Variants in HDGFL3 observed in about 807,000 individuals in gnomAD.
HDGFL3 encodes HDGF like 3, also known as hepatoma-derived growth factor-related protein 3.
HDGFL3 carries 6 observed loss-of-function variants against 27.6 expected under a neutral mutation model. That is an observed-to-expected ratio of 0.22 (90% CI 0.12 to 0.43). HDGFL3 has a LOEUF of 0.43. Ranked by LOEUF, HDGFL3 falls within the 20% of genes least tolerant of loss-of-function variation. HDGFL3 has a pLI of 1.00. For synonymous variants in HDGFL3, 88 were observed against 88.9 expected (o/e 0.99, Z 0.05); for missense variants, 207 against 250.1 (o/e 0.83, Z 1.16).
chr15:83,161,149 C>T (rs2037096939), intron 2 of HDGFL3, among the ~76,000 whole-genome samples: 1 of 152,176 alleles, frequency 6.6e-6, no homozygotes, highest in Admixed American at 6.5e-5. Context: ...TAAGAAATAA[C>T]TGTGGGCTAA....
Position 83,157,904 on chromosome 15 carries a change from T to C in HDGFL3, c.299A>G (p.Gln100Arg). ...NNPGVKFTGYQAIQQQSSSET... is the reference protein window; with the variant it reads ...NNPGVKFTGYRAIQQQSSSET... ...AGTGACAAGGAAGTAAACCATTACCTGGTAGCCAGTAAACTTTACTCCTGG... is the reference window on the plus strand; with the variant it reads ...AGTGACAAGGAAGTAAACCATTACCCGGTAGCCAGTAAACTTTACTCCTGG... The change falls in exon 3 of 6, where the codon CAG (glutamine) becomes CGG (arginine). Residue 100 changes from glutamine to arginine, a missense_variant and splice_region_variant. Gln to Arg is a conservative substitution (Grantham distance 43). Coordinates refer to ENST00000299633, the MANE Select transcript of HDGFL3 (RefSeq NM_016073.4). 1.2e-6 allele frequency: 2 copies of C among 1,610,850 alleles called. No individual in the cohort carries two copies. Among genetic ancestry groups the C allele is most frequent in the Non-Finnish European group, 1.7e-6 (2 of 1,178,810 alleles).
Position 83,139,173 on chromosome 15 carries a change from G to A in HDGFL3, c.*97C>T. ...CTGGGGTTCTGTCAATGACAACAAG[G>A]ACTATGTGTTGGTTCATATCAAATC... On this transcript the variant is annotated 3_prime_UTR_variant, in exon 6 of 6. Coordinates refer to ENST00000299633, the MANE Select transcript of HDGFL3 (RefSeq NM_016073.4). 1 of 714,250 alleles carries A rather than the reference G, an allele frequency of 1.4e-6. No individual in the cohort carries two copies. Among genetic ancestry groups the A allele is most frequent in the East Asian group, 3.0e-5 (1 of 33,384 alleles). 44.2% of individuals were successfully genotyped at this position (714,250 alleles called of 1,614,324 possible). A position where few individuals can be genotyped will look rare whatever the true frequency, so the allele number is the denominator to read the frequency against.
intron 5 of HDGFL3, among the ~76,000 whole-genome samples, chr15:83,141,896 G>A (rs545081049): frequency 1.4e-4 from 22 of 152,276 alleles, no homozygotes; most frequent in African/African-American, 3.6e-4. Flanking sequence ...TATTCAGAGC[G>A]CTAGACAAAC....
rs1256615694 is a variant in HDGFL3, at chr15:83,133,474, A to G, written c.*5796T>C. The G allele has an allele frequency of 6.6e-6, 1 of 152,224 alleles. No homozygotes were observed. The highest frequency in any genetic ancestry group is 2.4e-5 in the African/African-American group (1 of 41,466). 9.4% of individuals were successfully genotyped at this position (152,224 alleles called of 1,614,324 possible). ...GTCTCATTTGCCATTCCAATCATCC[A>G]TTCTTAAAAAAAAATCAGAGTATAT... On this transcript the variant is annotated 3_prime_UTR_variant, in exon 6 of 6. Transcript: ENST00000299633.
chr15:83,113,878 G>A (rs2034417787), exon 4 of HDGFL3: 2 of 152,278 alleles, frequency 1.3e-5, no homozygotes, highest in African/African-American at 4.8e-5. Flanking sequence ...ATAGGGCCAA[G>A]CCCATCAGCA....
At position 83,134,224 on chromosome 15, in the gene HDGFL3, CTT is replaced by C. The variant is rs972449463; in HGVS notation, c.*5044_*5045del. 5 of 144,854 alleles carry C rather than the reference CTT, an allele frequency of 3.5e-5. No homozygotes were observed. The highest frequency in any genetic ancestry group is 2.0e-4 in the East Asian group (1 of 4,978). The allele number at this position is 144,854 out of a possible 1,614,324, so 9.0% of individuals were successfully genotyped here. A position where few individuals can be genotyped will look rare whatever the true frequency, so the allele number is the denominator to read the frequency against. ...TACAATCTAATCTAAGGACATGAAT[CTT>C]TTTTTTTTTTTAAAGACAGAGTCTC... On this transcript the variant is annotated 3_prime_UTR_variant, in exon 6 of 6. Coordinates refer to ENST00000299633, the MANE Select transcript of HDGFL3 (RefSeq NM_016073.4).
chr15:83,173,094 C>T (rs2151411620), intron 1 of HDGFL3, among the ~76,000 whole-genome samples: 1 of 152,220 alleles, frequency 6.6e-6, no homozygotes, highest in East Asian at 1.9e-4. Context: ...TAAAACAAAC[C>T]TTATCATTCT....
rs1230135405 is a variant in HDGFL3 at position 83,131,110 on chromosome 15, AC to A, written c.*8159del. ...CTGTCTCTCCCACCACCACAAAAAA[AC>A]AAAACAAAACAAAAATAGGCATTTT... On this transcript the variant is annotated 3_prime_UTR_variant, in exon 6 of 6. Transcript: ENST00000299633. The A allele has an allele frequency of 2.3e-4, 35 of 152,272 alleles. No individual in the cohort carries two copies. The highest frequency in any genetic ancestry group is 7.7e-4 in the African/African-American group (32 of 41,554). 9.4% of individuals were successfully genotyped at this position (152,272 alleles called of 1,614,324 possible).
intron 4 of HDGFL3, 131 bp downstream of exon 4, chr15:83,157,284 T>C: frequency 3.4e-6 from 3 of 872,944 alleles, no homozygotes; most frequent in Non-Finnish European, 5.4e-6. Flanking sequence ...TGCTGTATTT[T>C]GTCCCTAAAG....
chr15:83,204,241 G>C (rs187534110), intron 1 of HDGFL3, among the ~76,000 whole-genome samples: 18 of 151,600 alleles, frequency 1.2e-4, no homozygotes, highest in Admixed American at 1.1e-3. Flanking sequence ...ATCATATAGA[G>C]AGCTATATTT....
In HDGFL3 at chr15:83,134,862, T is replaced by G. The variant is rs1255023093; in HGVS notation, c.*4408A>C. The G allele has an allele frequency of 6.6e-6, 1 of 152,266 alleles. No individual in the cohort carries two copies. The highest frequency in any genetic ancestry group is 6.5e-5 in the Admixed American group (1 of 15,286). 9.4% of individuals were successfully genotyped at this position (152,266 alleles called of 1,614,324 possible). A position where few individuals can be genotyped will look rare whatever the true frequency, so the allele number is the denominator to read the frequency against. On this transcript the variant is annotated 3_prime_UTR_variant, in exon 6 of 6. Coordinates refer to ENST00000299633, the MANE Select transcript of HDGFL3 (RefSeq NM_016073.4). ...AAACAGGCCCTAAGGAAAAACAGTA[T>G]GGGAGCCATGCTCCTGCTCAGAGTT... is the stretch of plus-strand genomic sequence containing the variant.
chr15:83,112,937 T>C, exon 4 of HDGFL3: 1 of 1,470,890 alleles, frequency 6.8e-7, no homozygotes, highest in Non-Finnish European at 9.5e-7. Flanking sequence ...TGTATCTGAT[T>C]AATAACACAA....
intron 1 of HDGFL3, among the ~76,000 whole-genome samples, chr15:83,179,011 C>T (rs563309876): frequency 6.6e-6 from 1 of 152,270 alleles, no homozygotes; most frequent in Non-Finnish European, 1.5e-5. Flanking sequence ...TAGCCAAAAA[C>T]CCTCCTTATC....
At chr15:83,127,435 G>T, downstream of HDGFL3, 1 of 1,613,910 alleles carries the variant, frequency 6.2e-7, no homozygotes, top group South Asian at 1.1e-5. Flanking sequence ...GATGTTCCTG[G>T]ATGCCTGACA....
intron 1 of HDGFL3, among the ~76,000 whole-genome samples, chr15:83,201,723 G>C (rs754634141): frequency 6.6e-6 from 1 of 152,184 alleles, no homozygotes; most frequent in African/African-American, 2.4e-5. Context: ...GTAGTCATTA[G>C]AGAATTCCAA....
Position 83,136,187 on chromosome 15 carries a change from C to T in HDGFL3, c.*3083G>A, listed in dbSNP as rs1030455315. On this transcript the variant is annotated 3_prime_UTR_variant, in exon 6 of 6. Coordinates refer to ENST00000299633, the MANE Select transcript of HDGFL3 (RefSeq NM_016073.4). ...TCTATTAGATTGAGCCACTAATGTT[C>T]GGTAAGGGGCACTTGATGGTTAAAA... 1.6e-5 allele frequency: 4 copies of T among 248,950 alleles called. No individual in the cohort carries two copies. Among genetic ancestry groups the T allele is most frequent in the Admixed American group, 1.1e-4 (2 of 18,804 alleles). 15.4% of individuals were successfully genotyped at this position (248,950 alleles called of 1,614,324 possible).
rs1376532258 is a variant in HDGFL3 at position 83,135,676 on chromosome 15, G to C, written c.*3594C>G. ...AGACCAATTGGCACATTCTGAATGT[G>C]TTTTCTGAATAAGTATATAAGTAGA... On this transcript the variant is annotated 3_prime_UTR_variant, in exon 6 of 6. Transcript: ENST00000299633. The C allele has an allele frequency of 6.6e-6, 1 of 152,180 alleles. No individual in the cohort carries two copies. Among genetic ancestry groups the C allele is most frequent in the Non-Finnish European group, 1.5e-5 (1 of 68,028 alleles). The allele number at this position is 152,180 out of a possible 1,614,324, so 9.4% of individuals were successfully genotyped here. A position where few individuals can be genotyped will look rare whatever the true frequency, so the allele number is the denominator to read the frequency against.
chr15:83,182,032 T>C (rs559361986), intron 1 of HDGFL3, among the ~76,000 whole-genome samples: 1 of 152,364 alleles, frequency 6.6e-6, no homozygotes, highest in South Asian at 2.1e-4. Context: ...TATACCTATA[T>C]AACAAATACC....
intron 5 of HDGFL3, among the ~76,000 whole-genome samples, chr15:83,146,266 AG>A (rs2036890871): frequency 2.0e-5 from 3 of 152,098 alleles, no homozygotes; most frequent in Admixed American, 2.0e-4. Flanking sequence ...AAAATTATGT[AG>A]GCATTTTAGG....
Sources: allele counts gnomAD v4.1 joint callset (sites outside exome capture counted in the v4.1 genomes callset), GRCh38; gene constraint gnomAD v4.1.1; transcripts MANE v1.5; gene names NCBI Gene and HGNC (gene_info 2026-07-23, HGNC 2026-07-21).